The following RTTN variants were observed in gnomAD, a reference collection of about 807,000 sequenced individuals.
The protein encoded by RTTN is rotatin.
In RTTN, 182 loss-of-function variants were observed where a neutral mutation model predicts 269.2. The observed-to-expected ratio is 0.68, with a 90% CI of 0.60 to 0.76. RTTN has a LOEUF of 0.76. RTTN is among the 30% of genes least tolerant of loss of function. The probability of loss-of-function intolerance (pLI) is 0.00; values close to 1 mark genes in which losing one functional copy is unlikely to be tolerated. For synonymous variants in RTTN, 1,006 were observed against 963.5 expected (o/e 1.04, Z -0.82); for missense variants, 2,545 against 2,608.6 (o/e 0.98, Z 0.53).
chr18:70,091,063 C>T (rs944337161), intron 30 of RTTN, among the ~76,000 whole-genome samples: 5 of 152,200 alleles, frequency 3.3e-5, no homozygotes, highest in Non-Finnish European at 7.3e-5. Flanking sequence ...CACAGGTTCA[C>T]ACCTGCAGAA....
At position 70,028,681 on chromosome 18, in the gene RTTN, T is replaced by TA. The variant is rs1196933113; in HGVS notation, c.5823+42dup. On this transcript the variant is annotated intron_variant, in intron 43 of 48. Coordinates refer to ENST00000640769, the MANE Select transcript of RTTN (RefSeq NM_173630.4). ...CTCACATAAAAATTAAACTGCTTAA[T>TA]ACCAGTACTCCTATTAAAATTTTGA... 3 of 1,190,324 alleles carry TA rather than the reference T, an allele frequency of 2.5e-6. No individual in the cohort carries two copies. The African/African-American group carries it at 4.5e-5, about 18-fold the overall frequency. 73.7% of individuals were successfully genotyped at this position (1,190,324 alleles called of 1,614,324 possible).
At position 70,176,684 on chromosome 18, in the gene RTTN, A is replaced by C. The variant is rs1175628619; in HGVS notation, c.1467T>G (p.Pro489=). Residue 489 remains proline (P), a synonymous_variant, in exon 11 of 49, where the codon CCT becomes CCG. Transcript: ENST00000640769. The part of the protein sequence containing the change: ...FAVRLLQTLL[P]VEKASEFLSE... Reference sequence around the variant, plus strand: ...GCATTGCCTGCCTTACCTTTTCAACAGGGAGAAGCGTTTGTAGCAGTCGAA... The same window carrying C: ...GCATTGCCTGCCTTACCTTTTCAACCGGGAGAAGCGTTTGTAGCAGTCGAA... The C allele has an allele frequency of 6.2e-7, 1 of 1,612,724 alleles. No individual in the cohort carries two copies. Among genetic ancestry groups the C allele is most frequent in the Admixed American group, 1.7e-5 (1 of 59,816 alleles).
At chr18:70,024,190 A>T (rs1172068607) in intron 44 of RTTN, among the ~76,000 whole-genome samples, 1 of 152,200 alleles carries the variant, frequency 6.6e-6, no homozygotes, top group Non-Finnish European at 1.5e-5. Flanking sequence ...CTGGCCTCTG[A>T]GGCCCTACAT....
In RTTN at chr18:70,084,123, TAA is replaced by T. The variant is rs566365959; in HGVS notation, c.4374+2488_4374+2489del. On this transcript the variant is annotated intron_variant, in intron 32 of 48. Coordinates refer to ENST00000640769, the MANE Select transcript of RTTN (RefSeq NM_173630.4). ...AGGAGAGGAAAAGGAGTAGTAATTA[TAA>T]AGAGAATGCTTCAGAAAGCCTATGA... Among the ~76,000 whole-genome samples, 390 of 152,058 alleles carry T rather than the reference TAA, an allele frequency of 2.6e-3. 3 individuals are homozygous for T. Among genetic ancestry groups the T allele is most frequent in the Non-Finnish European group, 4.4e-3 (299 of 67,972 alleles).
intron 33 of RTTN, 103 bp downstream of exon 33, chr18:70,075,249 G>T: frequency 2.6e-6 from 2 of 770,966 alleles, no homozygotes; most frequent in Non-Finnish European, 4.0e-6. Flanking sequence ...TGTTTTCCCT[G>T]TATACTTTCA....
At chr18:70,027,253 T>G (rs1257249445) in intron 43 of RTTN, among the ~76,000 whole-genome samples, 1 of 152,182 alleles carries the variant, frequency 6.6e-6, no homozygotes, top group Non-Finnish European at 1.5e-5. Context: ...GGGGTGGCAG[T>G]GGGTGACCTG....
chr18:70,062,291 C>T (rs1196007419), intron 35 of RTTN, among the ~76,000 whole-genome samples: 1 of 152,074 alleles, frequency 6.6e-6, no homozygotes, highest in Non-Finnish European at 1.5e-5. Context: ...TAAAAGTCAA[C>T]CTATACAAGA....
chr18:70,080,613 A>G (rs2058539667), intron 32 of RTTN, among the ~76,000 whole-genome samples: 1 of 152,232 alleles, frequency 6.6e-6, no homozygotes, highest in South Asian at 2.1e-4. Context: ...AGTAGCATGT[A>G]ATAAACATAG....
chr18:70,161,086 G>T (rs2060815949), intron 14 of RTTN, among the ~76,000 whole-genome samples: 1 of 152,144 alleles, frequency 6.6e-6, no homozygotes, highest in Admixed American at 6.6e-5. Flanking sequence ...CAGACTGCCT[G>T]ACTTCAAACT....
intron 35 of RTTN, among the ~76,000 whole-genome samples, chr18:70,061,729 C>T (rs1458473534): frequency 2.6e-5 from 4 of 152,104 alleles, no homozygotes; most frequent in Middle Eastern, 3.4e-3. Context: ...CCTGGCTACT[C>T]GGGATGAGGT....
intron 4 of RTTN, 116 bp from the exon 5 acceptor site, chr18:70,199,620 A>C: frequency 3.0e-6 from 2 of 669,650 alleles, no homozygotes; most frequent in Non-Finnish European, 5.2e-6. Flanking sequence ...TGCATCTTAC[A>C]GTAACCTAAA....
intron 3 of RTTN, among the ~76,000 whole-genome samples, chr18:70,203,835 T>C (rs1323220520): frequency 6.6e-6 from 1 of 152,146 alleles, no homozygotes; most frequent in Non-Finnish European, 1.5e-5. Context: ...AAATAATCTG[T>C]CAAACTGGCC....
chr18:70,204,654 A>G (rs1284154992), intron 2 of RTTN, among the ~76,000 whole-genome samples: 2 of 152,194 alleles, frequency 1.3e-5, no homozygotes, highest in Non-Finnish European at 2.9e-5. Flanking sequence ...GAAAGGTTAA[A>G]CTTACACTTT....
intron 34 of RTTN, among the ~76,000 whole-genome samples, chr18:70,072,903 A>G (rs1300182844): frequency 6.6e-6 from 1 of 152,134 alleles, no homozygotes; most frequent in Non-Finnish European, 1.5e-5. Flanking sequence ...GAACTCGGGT[A>G]ATTATCTTAC....
In RTTN at chr18:70,168,931, CT is replaced by C; in HGVS notation, c.1612del (p.Ser538ValfsTer32). On this transcript the variant is annotated frameshift_variant, in exon 12 of 49. Coordinates refer to ENST00000640769, the MANE Select transcript of RTTN (RefSeq NM_173630.4). LOFTEE classifies it high-confidence loss of function. ...YLEQLNSENY[S>X]IYKRTAEAVY... ...GGCCTCTGCAGTTCGTTTATAAATA[CT>C]GTAGTTTTCAGAATTCAGCTGTTCC... 2 of 1,613,420 alleles carry C rather than the reference CT, an allele frequency of 1.2e-6. No homozygotes were observed. Among genetic ancestry groups the C allele is most frequent in the Non-Finnish European group, 1.7e-6 (2 of 1,179,772 alleles).
At chr18:70,113,417 C>A (rs1246411124) in intron 27 of RTTN, among the ~76,000 whole-genome samples, 2 of 152,156 alleles carry the variant, frequency 1.3e-5, no homozygotes, top group Non-Finnish European at 2.9e-5. Context: ...AAATGAAACA[C>A]TCATACATTG....
At chr18:70,103,051 G>A (rs934335642) in intron 28 of RTTN, among the ~76,000 whole-genome samples, 18 of 150,104 alleles carry the variant, frequency 1.2e-4, no homozygotes, top group African/African-American at 3.9e-4. Context: ...CAGCTGTCCC[G>A]TCTGGGAAGT....
chr18:70,086,716 AAAAAAAAAAAAAAAAAAG>A lies in RTTN; in HGVS notation c.4303-50_4303-33del, dbSNP rs766726940. 3.2e-4 allele frequency: 434 copies of A among 1,348,630 alleles called. 1 individual carries two copies. Among genetic ancestry groups the A allele is most frequent in the South Asian group, 6.1e-4 (46 of 75,192 alleles). 83.5% of individuals were successfully genotyped at this position (1,348,630 alleles called of 1,614,324 possible). On this transcript the variant is annotated intron_variant, in intron 31 of 48. Coordinates refer to ENST00000640769, the MANE Select transcript of RTTN (RefSeq NM_173630.4). ...ATGTAAAAAAAAAAAAAAAAAAAAAAAAAAAAAAAAAAAAAAAGGTCAATACTGCCATCTTGTGGTCAT... is the reference window on the plus strand; with the variant it reads ...ATGTAAAAAAAAAAAAAAAAAAAAAAGTCAATACTGCCATCTTGTGGTCAT...
rs921661138 is a variant in RTTN at position 70,075,519 on chromosome 18, T to G, written c.4397A>C (p.Asp1466Ala). 4 of 1,584,628 alleles carry G rather than the reference T, an allele frequency of 2.5e-6. No individual in the cohort carries two copies. The highest frequency in any genetic ancestry group is 1.4e-5 in the African/African-American group (1 of 72,652). Residue 1466 changes from aspartate (D) to alanine (A), a missense_variant, in exon 33 of 49, where the codon GAC becomes GCC. Asp to Ala is a moderately radical substitution (Grantham distance 126, BLOSUM62 -2). Coordinates refer to ENST00000640769, the MANE Select transcript of RTTN (RefSeq NM_173630.4). ...TTTTCCAATGAGCGATAGGCCAGAGTCCTCATCATGAACACAGGGACCCTG... is the reference window on the plus strand; with the variant it reads ...TTTTCCAATGAGCGATAGGCCAGAGGCCTCATCATGAACACAGGGACCCTG... ...TWQGPCVHDE[D>A]SGLSLIGKPA...
Sources: allele counts gnomAD v4.1 joint callset (sites outside exome capture counted in the v4.1 genomes callset), GRCh38; gene constraint gnomAD v4.1.1; transcripts MANE v1.5; gene names NCBI Gene and HGNC (gene_info 2026-07-23, HGNC 2026-07-21).